Variants in DYM observed in about 807,000 individuals in gnomAD.
DYM encodes the protein dyggve-Melchior-Clausen syndrome protein.
In DYM, 78 loss-of-function variants were observed where a neutral mutation model predicts 93.1. That is an observed-to-expected ratio of 0.84 (90% CI 0.70 to 1.01). The LOEUF is 1.01. Ranked by LOEUF, DYM falls within the 50% of genes least tolerant of loss-of-function variation. DYM has a pLI of 0.00. For missense variants in DYM, 789 were observed against 845.0 expected (o/e 0.93, Z 0.82); for synonymous variants, 321 against 319.7 (o/e 1.00, Z -0.04).
rs778410102 is a variant in DYM, at chr18:49,331,872, C to A, written c.755G>T (p.Gly252Val). The A allele has an allele frequency of 6.2e-7, 1 of 1,614,080 alleles. No homozygotes were observed. Among genetic ancestry groups the A allele is most frequent in the Non-Finnish European group, 8.5e-7 (1 of 1,179,998 alleles). ...GGGLLYGLASGVATGLWTVFT... is the reference protein window; with the variant it reads ...GGGLLYGLASVVATGLWTVFT... ...AATCTGATAAAACTTACTTGCTACT[C>A]CTGATGCAAGTCCATAAAGCAGTCC... The change falls in exon 8 of 18, where the codon GGA becomes GTA. Residue 252 changes from glycine to valine, a missense_variant. Gly to Val is a moderately radical substitution (Grantham distance 109). Transcript: ENST00000675505.
At chr18:49,050,540 TCAA>T (rs1236054190) in intron 17 of DYM, among the ~76,000 whole-genome samples, 1 of 152,022 alleles carries the variant, frequency 6.6e-6, no homozygotes, top group Non-Finnish European at 1.5e-5. Context: ...TGCAGCACGT[TCAA>T]CAACATCCAG....
At chr18:49,395,781 G>A (rs1729313283) in intron 2 of DYM, among the ~76,000 whole-genome samples, 1 of 152,148 alleles carries the variant, frequency 6.6e-6, no homozygotes, top group African/African-American at 2.4e-5. Context: ...AATTACAAAT[G>A]TTGGCAAGGA....
At chr18:49,162,904 A>G (rs1235754088) in intron 15 of DYM, among the ~76,000 whole-genome samples, 1 of 152,240 alleles carries the variant, frequency 6.6e-6, no homozygotes, top group African/African-American at 2.4e-5. Flanking sequence ...CCTGGATGGT[A>G]GAAAGCAGCA....
intron 2 of DYM, among the ~76,000 whole-genome samples, chr18:49,402,422 G>T (rs948608036): frequency 6.6e-6 from 1 of 152,144 alleles, no homozygotes; most frequent in East Asian, 1.9e-4. Context: ...TTTTAGGGGG[G>T]AAGAAAAAGA....
intron 15 of DYM, among the ~76,000 whole-genome samples, chr18:49,129,730 G>T (rs1486076359): frequency 6.6e-6 from 1 of 152,196 alleles, no homozygotes; most frequent in Admixed American, 6.5e-5. Flanking sequence ...GCTCAAGCTT[G>T]CAGGAGGTGA....
chr18:49,149,337 A>G (rs1290709729), intron 15 of DYM, among the ~76,000 whole-genome samples: 1 of 151,992 alleles, frequency 6.6e-6, no homozygotes, highest in Admixed American at 6.6e-5. Flanking sequence ...CTTCCCTTAG[A>G]TATCTACAAA....
At chr18:49,438,061 C>T (rs765483358) in intron 1 of DYM, among the ~76,000 whole-genome samples, 3 of 152,036 alleles carry the variant, frequency 2.0e-5, no homozygotes, top group African/African-American at 4.8e-5. Context: ...GTGGCACAAG[C>T]CTGTGGTCCC....
chr18:49,273,049 C>T (rs527972485), intron 10 of DYM, among the ~76,000 whole-genome samples: 1 of 152,112 alleles, frequency 6.6e-6, no homozygotes, highest in African/African-American at 2.4e-5. Flanking sequence ...TCAGACAACA[C>T]ATGTAATGAG....
chr18:49,421,374 C>A (rs570386714), intron 2 of DYM, among the ~76,000 whole-genome samples: 3 of 152,168 alleles, frequency 2.0e-5, no homozygotes, highest in Non-Finnish European at 2.9e-5. Flanking sequence ...ACTGGTGATA[C>A]CCAGGCAAAC....
At chr18:49,216,732 T>A (rs887019565) in intron 13 of DYM, among the ~76,000 whole-genome samples, 1 of 152,020 alleles carries the variant, frequency 6.6e-6, no homozygotes, top group African/African-American at 2.4e-5. Flanking sequence ...AGAAAGGACA[T>A]CCACACCAAA....
intron 11 of DYM, among the ~76,000 whole-genome samples, chr18:49,260,956 G>A (rs115928544): frequency 5.3e-5 from 8 of 151,526 alleles, no homozygotes; most frequent in African/African-American, 1.9e-4. Context: ...TCAAGAGAAG[G>A]AGAATATGGA....
chr18:49,357,501 T>C (rs2065662967), intron 6 of DYM, among the ~76,000 whole-genome samples: 1 of 152,178 alleles, frequency 6.6e-6, no homozygotes, highest in African/African-American at 2.4e-5. Context: ...CCCTTTCTAC[T>C]ACCAATGTCA....
intron 8 of DYM, chr18:49,329,747 A>G (rs2063179150): frequency 6.6e-6 from 1 of 152,258 alleles, no homozygotes; most frequent in Non-Finnish European, 1.5e-5. Context: ...CATACAATGC[A>G]CACACTGCTA....
intron 15 of DYM, among the ~76,000 whole-genome samples, chr18:49,135,900 C>A (rs2083801020): frequency 6.6e-6 from 1 of 152,240 alleles, no homozygotes; most frequent in African/African-American, 2.4e-5. Context: ...TGACTGGAGA[C>A]AGCCTGCTTT....
chr18:49,162,574 C>CAAG (rs1320655129), intron 15 of DYM, among the ~76,000 whole-genome samples: 1 of 152,208 alleles, frequency 6.6e-6, no homozygotes, highest in African/African-American at 2.4e-5. Context: ...TCCCACTTCT[C>CAAG]AATACTGCCA....
intron 8 of DYM, among the ~76,000 whole-genome samples, chr18:49,292,487 C>A (rs1262509048): frequency 1.3e-5 from 2 of 151,088 alleles, no homozygotes; most frequent in Admixed American, 1.3e-4. Flanking sequence ...TTTAAACTGG[C>A]CCATAATACT....
Position 49,247,577 on chromosome 18 carries a change from A to G in DYM, c.1460+9433T>C, listed in dbSNP as rs187000191. On this transcript the variant is annotated intron_variant, in intron 13 of 17. Coordinates refer to ENST00000675505, the MANE Select transcript of DYM (RefSeq NM_001353214.3). ...TAAAGCTCTATGGAAGTTATTTTAA[A>G]GTTTAATTTGCTGTGTGGCAATTTT... is the stretch of plus-strand genomic sequence containing the variant. Among the ~76,000 whole-genome samples, 200 of 152,348 alleles carry G rather than the reference A, an allele frequency of 1.3e-3. 1 individual carries two copies. The highest frequency in any genetic ancestry group is 5.8e-4 in the East Asian group (3 of 5,190).
intron 11 of DYM, among the ~76,000 whole-genome samples, chr18:49,271,059 G>A (rs1031989840): frequency 3.9e-5 from 6 of 152,070 alleles, no homozygotes; most frequent in Non-Finnish European, 7.4e-5. Flanking sequence ...ACTTCCAATC[G>A]ACTTCTTAGT....
chr18:49,256,916 C>T (rs2094402644), intron 13 of DYM, 94 bp downstream of exon 13: 1 of 1,054,616 alleles, frequency 9.5e-7, no homozygotes, highest in South Asian at 1.3e-5. Flanking sequence ...TTTGATAGTC[C>T]TCACAGGTAA....
Sources: allele counts gnomAD v4.1 joint callset (sites outside exome capture counted in the v4.1 genomes callset), GRCh38; gene constraint gnomAD v4.1.1; transcripts MANE v1.5; gene names NCBI Gene and HGNC (gene_info 2026-07-23, HGNC 2026-07-21).